The following TSNARE1 variants were observed in gnomAD, a reference collection of about 807,000 sequenced individuals.
TSNARE1 encodes t-SNARE domain-containing protein 1.
Under a neutral mutation model 62.0 loss-of-function variants are expected in TSNARE1, and 49 were observed. That is an observed-to-expected ratio of 0.79 (90% confidence interval 0.63 to 1.00). The LOEUF (loss-of-function observed/expected upper bound fraction) is 1.00. TSNARE1 is among the 50% of genes least tolerant of loss of function. The pLI, the probability that TSNARE1 is intolerant of heterozygous loss-of-function variation, is 0.00. For synonymous variants in TSNARE1, 328 were observed against 294.4 expected, an observed-to-expected ratio of 1.11 and a Z score of -1.17; for missense variants, 755 against 700.1, an observed-to-expected ratio of 1.08 and a Z score of -0.88.
intron 12 of TSNARE1, chr8:142,273,820 C>A (rs1285954073): frequency 6.1e-6 from 6 of 985,268 alleles, no homozygotes; most frequent in Non-Finnish European, 7.2e-6. Flanking sequence ...TCCTCTTGCA[C>A]CCCTGAGGCA....
chr8:142,318,979 CG>C (rs1563904676), intron 6 of TSNARE1, among the ~76,000 whole-genome samples: 1 of 148,890 alleles, frequency 6.7e-6, no homozygotes, highest in South Asian at 2.2e-4. Context: ...ACGGGGGAGA[CG>C]GGCAGACACC....
chr8:142,280,186 TTGGGCTTGC>T, intron 11 of TSNARE1: 1 of 985,348 alleles, frequency 1.0e-6, no homozygotes, highest in Non-Finnish European at 1.2e-6. Flanking sequence ...GGGGCTGAAG[TTGGGCTTGC>T]GTGTCTTGGT....
chr8:142,309,249 T>C (rs1022720165), intron 9 of TSNARE1, among the ~76,000 whole-genome samples: 2 of 152,018 alleles, frequency 1.3e-5, no homozygotes, highest in African/African-American at 2.4e-5. Context: ...AATCCTACTC[T>C]TTTTTTTCAT....
At chr8:142,387,854 T>C (rs1254826800) in intron 1 of TSNARE1, among the ~76,000 whole-genome samples, 1 of 152,190 alleles carries the variant, frequency 6.6e-6, no homozygotes, top group Non-Finnish European at 1.5e-5. Flanking sequence ...TTCAGTGCTA[T>C]TAAACTATTC....
At chr8:142,313,158 CTG>C (rs1233058097) in intron 9 of TSNARE1, among the ~76,000 whole-genome samples, 3 of 151,788 alleles carry the variant, frequency 2.0e-5, no homozygotes, top group South Asian at 4.2e-4. Context: ...GCATGTCTAT[CTG>C]TGTCTCTGTG....
rs75135181 is a variant in TSNARE1 at position 142,291,191 on chromosome 8, T to C, written c.1291-6706A>G. On this transcript the variant is annotated intron_variant, in intron 10 of 13. Transcript: ENST00000524325. The surrounding 1 kb of genome is among the most constrained non-coding windows in gnomAD (Gnocchi z 4.8). Reference sequence around the variant, plus strand: ...CTGGCTCTGGACCTGCGGGTGGCCTTGGAGACAAATCCCACCACCCTCATC... The same window carrying C: ...CTGGCTCTGGACCTGCGGGTGGCCTCGGAGACAAATCCCACCACCCTCATC... Among the ~76,000 whole-genome samples, 1 of 151,856 alleles carries C rather than the reference T, an allele frequency of 6.6e-6. No homozygotes were observed. The highest frequency in any genetic ancestry group is 2.4e-5 in the African/African-American group (1 of 41,324).
At chr8:142,303,455 G>T (rs1318473680) in intron 9 of TSNARE1, among the ~76,000 whole-genome samples, 1 of 152,218 alleles carries the variant, frequency 6.6e-6, no homozygotes, top group African/African-American at 2.4e-5. Flanking sequence ...GGAGAGGACT[G>T]CGCCTTGGCC....
chr8:142,222,121 T>TTTACTCACTCATCCACTCACTCAC (rs1554623967), intron 13 of TSNARE1, among the ~76,000 whole-genome samples: 2 of 107,438 alleles, frequency 1.9e-5, no homozygotes, highest in African/African-American at 7.7e-5. Flanking sequence ...CATCCACTCA[T>TTTACTCACTCATCCACTCACTCAC]TCACTCACTC....
At chr8:142,277,738 C>T (rs954894972) in intron 11 of TSNARE1, 17 of 985,404 alleles carry the variant, frequency 1.7e-5, no homozygotes, top group Middle Eastern at 1.0e-3. Context: ...GGCCTGGGGA[C>T]CTGGAGTGGC....
At chr8:142,220,891 A>T (rs1014372897) in intron 13 of TSNARE1, among the ~76,000 whole-genome samples, 1 of 152,220 alleles carries the variant, frequency 6.6e-6, no homozygotes, top group Non-Finnish European at 1.5e-5. Flanking sequence ...ACCACAGAAG[A>T]TTCTGTGAAA....
chr8:142,295,546 G>A (rs1222007134), intron 10 of TSNARE1, among the ~76,000 whole-genome samples: 1 of 152,232 alleles, frequency 6.6e-6, no homozygotes, highest in Admixed American at 6.5e-5. Flanking sequence ...CGGCTGCCCT[G>A]CGGCCAGTGA....
At chr8:142,306,642 TGTGA>T (rs1826724832) in intron 9 of TSNARE1, among the ~76,000 whole-genome samples, 1 of 152,246 alleles carries the variant, frequency 6.6e-6, no homozygotes, top group South Asian at 2.1e-4. Context: ...CTGCCCGGCC[TGTGA>T]GTAGCAGCCC....
chr8:142,344,422 G>T lies in TSNARE1; in HGVS notation c.289C>A (p.Pro97Thr), dbSNP rs1412077167. Residue 97 changes from proline to threonine, a missense_variant, in exon 4 of 14, where the codon CCC becomes ACC. Coordinates refer to ENST00000524325, the MANE Select transcript of TSNARE1 (RefSeq NM_145003.5). ...GAGTCCTTCCTCGGGCCAATGGTGG[G>T]TGATGAGGTGGGCTCCGGCATCCGG... ...GSRMPEPTSS[P>T]TIGPRKDSAA... 13 of 1,587,994 alleles carry T rather than the reference G, an allele frequency of 8.2e-6. No individual in the cohort carries two copies. Among genetic ancestry groups the T allele is most frequent in the Admixed American group, 7.3e-5 (4 of 55,132 alleles).
chr8:142,289,912 G>A (rs545632421), intron 10 of TSNARE1, among the ~76,000 whole-genome samples: 2 of 152,350 alleles, frequency 1.3e-5, no homozygotes, highest in East Asian at 1.9e-4. Flanking sequence ...TGATGGTGCA[G>A]GCAGATCCCA....
chr8:142,298,375 C>T (rs1825117307), intron 10 of TSNARE1, among the ~76,000 whole-genome samples: 1 of 152,232 alleles, frequency 6.6e-6, no homozygotes, highest in African/African-American at 2.4e-5. Flanking sequence ...CAGCCAGCCC[C>T]AGCCTCCACT....
chr8:142,327,910 G>A (rs1830488292), intron 6 of TSNARE1, among the ~76,000 whole-genome samples: 1 of 152,060 alleles, frequency 6.6e-6, no homozygotes, highest in Non-Finnish European at 1.5e-5. Context: ...CAGTGGGCCA[G>A]CAGCCTCTCA....
At chr8:142,254,274 G>C (rs866311882) in intron 12 of TSNARE1, among the ~76,000 whole-genome samples, 2 of 152,322 alleles carry the variant, frequency 1.3e-5, no homozygotes, top group East Asian at 3.9e-4. Flanking sequence ...GGCTTCCCCA[G>C]TGCCCCGTGG....
At chr8:142,261,972 C>A (rs896398669) in intron 12 of TSNARE1, among the ~76,000 whole-genome samples, 1 of 152,230 alleles carries the variant, frequency 6.6e-6, no homozygotes, top group Non-Finnish European at 1.5e-5. Flanking sequence ...CATCCCACGG[C>A]GGGGCCAGCC....
At chr8:142,402,604 G>C (rs1192936137) in intron 1 of TSNARE1, among the ~76,000 whole-genome samples, 1 of 152,236 alleles carries the variant, frequency 6.6e-6, no homozygotes, top group Non-Finnish European at 1.5e-5. Context: ...TTGGAGAAGG[G>C]ACAGAAAGGC....
Sources: gnomAD v4.1 joint callset for allele counts (sites outside exome capture counted in the v4.1 genomes callset) on GRCh38, gnomAD v4.1.1 for gene constraint, Gnocchi (gnomAD v3.1) non-coding constraint, MANE v1.5 for transcripts, NCBI Gene and HGNC (gene_info 2026-07-23, HGNC 2026-07-21) for gene names.